The following INPP4B variants were observed in gnomAD, a reference collection of about 807,000 sequenced individuals.
INPP4B encodes the protein inositol polyphosphate 4-phosphatase type II.
INPP4B carries 55 observed loss-of-function variants against 122.5 expected under a neutral mutation model. That is an observed-to-expected ratio of 0.45 (90% CI 0.36 to 0.56). INPP4B has a LOEUF of 0.56. Ranked by LOEUF, INPP4B falls within the 20% of genes least tolerant of loss-of-function variation. The pLI is 0.00. For synonymous variants in INPP4B, 403 were observed against 388.7 expected, an observed-to-expected ratio of 1.04 and a Z score of -0.43; for missense variants, 1,000 against 1,097.7, an observed-to-expected ratio of 0.91 and a Z score of 1.26.
intron 2 of INPP4B, among the ~76,000 whole-genome samples, chr4:142,472,308 G>A (rs1431269389): frequency 3.4e-5 from 5 of 148,800 alleles, no homozygotes; most frequent in Middle Eastern, 3.5e-3. Context: ...CAAAAGTACT[G>A]TAAAGATCAT....
intron 2 of INPP4B, among the ~76,000 whole-genome samples, chr4:142,665,368 C>A (rs866554459): frequency 1.3e-5 from 2 of 151,870 alleles, no homozygotes; most frequent in South Asian, 4.2e-4. Context: ...GTGGCAGGCA[C>A]CTGTAGTCCC....
intron 2 of INPP4B, among the ~76,000 whole-genome samples, chr4:142,621,115 C>T (rs1744831560): frequency 6.6e-6 from 1 of 151,472 alleles, no homozygotes. Flanking sequence ...ACATTTTAGC[C>T]CCTTTGTCTA....
At chr4:142,807,796 TAA>T (rs1779040515) in intron 1 of INPP4B, among the ~76,000 whole-genome samples, 1 of 151,912 alleles carries the variant, frequency 6.6e-6, no homozygotes, top group Non-Finnish European at 1.5e-5. Context: ...GCTGTAAGAA[TAA>T]GAGTGTAAGA....
intron 2 of INPP4B, among the ~76,000 whole-genome samples, chr4:142,502,636 G>A (rs1823531087): frequency 6.6e-6 from 1 of 151,790 alleles, no homozygotes; most frequent in Non-Finnish European, 1.5e-5. Context: ...TTACAGGTGG[G>A]CGCCCGGCTA....
chr4:142,072,074 C>T (rs1578804023), intron 25 of INPP4B, among the ~76,000 whole-genome samples: 1 of 152,272 alleles, frequency 6.6e-6, no homozygotes. Flanking sequence ...ATAGCAAAGA[C>T]TTGGAACCAA....
At chr4:142,194,174 C>G (rs1837205573) in intron 14 of INPP4B, among the ~76,000 whole-genome samples, 1 of 152,058 alleles carries the variant, frequency 6.6e-6, no homozygotes, top group Non-Finnish European at 1.5e-5. Flanking sequence ...AAAAAGTCTT[C>G]AAGTGAAAGA....
chr4:142,393,975 T>C lies in INPP4B; in HGVS notation c.372+8963A>G, dbSNP rs538829538. Among the ~76,000 whole-genome samples, 7 of 152,230 alleles carry C rather than the reference T, an allele frequency of 4.6e-5. No individual in the cohort carries two copies. In the South Asian group the frequency reaches 1.4e-3, roughly 32 times the overall value. On this transcript the variant is annotated intron_variant, in intron 7 of 25. Transcript: ENST00000262992. The stretch of plus-strand genomic sequence containing the variant: ...TAAACTCCTTTAAATTTAATTTGGC[T>C]GAAGTTTTTCCTTTAACAATACCCA...
chr4:142,159,090 A>G (rs936974481), intron 17 of INPP4B, among the ~76,000 whole-genome samples: 1 of 152,028 alleles, frequency 6.6e-6, no homozygotes, highest in African/African-American at 2.4e-5. Context: ...ATAATACTAA[A>G]GTAATATAAT....
At chr4:142,409,916 G>C (rs1458464176) in intron 5 of INPP4B, among the ~76,000 whole-genome samples, 1 of 152,224 alleles carries the variant, frequency 6.6e-6, no homozygotes, top group Non-Finnish European at 1.5e-5. Flanking sequence ...TCACTGGAGA[G>C]TCCAGAGCTA....
intron 2 of INPP4B, among the ~76,000 whole-genome samples, chr4:142,695,280 A>T (rs1236368175): frequency 6.6e-6 from 1 of 152,178 alleles, no homozygotes; most frequent in Non-Finnish European, 1.5e-5. Context: ...AAGGGTCCCT[A>T]ATATGAAGCT....
At chr4:142,824,867 T>C (rs1469395383) in intron 1 of INPP4B, among the ~76,000 whole-genome samples, 3 of 152,142 alleles carry the variant, frequency 2.0e-5, no homozygotes, top group African/African-American at 7.2e-5. Context: ...TGGAAATATA[T>C]AGTTTAAAAT....
chr4:142,845,629 C>T (rs988326705), intron 1 of INPP4B, among the ~76,000 whole-genome samples: 2 of 152,130 alleles, frequency 1.3e-5, no homozygotes, highest in African/African-American at 4.8e-5. Context: ...GAGATGGGCT[C>T]TTTATTTTTA....
intron 7 of INPP4B, among the ~76,000 whole-genome samples, chr4:142,333,670 G>GT (rs879780881): frequency 1.8e-4 from 28 of 151,450 alleles, no homozygotes; most frequent in Middle Eastern, 3.4e-3. Flanking sequence ...TTTTATTTTT[G>GT]TTTTTTTTGT....
chr4:142,046,489 G>A (rs571885855), intron 25 of INPP4B, among the ~76,000 whole-genome samples: 1 of 152,108 alleles, frequency 6.6e-6, no homozygotes, highest in Admixed American at 6.6e-5. Context: ...AGTTGAAGGA[G>A]GCGGGTAATC....
At chr4:142,545,508 C>T (rs759748356) in intron 2 of INPP4B, among the ~76,000 whole-genome samples, 3 of 151,920 alleles carry the variant, frequency 2.0e-5, no homozygotes, top group Non-Finnish European at 2.9e-5. Context: ...GAAAACGAGG[C>T]TAAGTCCATC....
chr4:142,216,070 G>A (rs546744020), intron 12 of INPP4B, among the ~76,000 whole-genome samples: 9 of 152,156 alleles, frequency 5.9e-5, no homozygotes, highest in African/African-American at 2.2e-4. Context: ...ACTCCTATCT[G>A]TAAACATTCT....
rs181022790 is a variant in INPP4B, at chr4:142,254,088, G to C, written c.688+6404C>G. Among the ~76,000 whole-genome samples the C allele has an allele frequency of 4.9e-3, 740 of 152,194 alleles. 9 individuals carry two copies. The highest frequency in any genetic ancestry group is 0.017 in the African/African-American group (706 of 41,526). On this transcript the variant is annotated intron_variant, in intron 11 of 25. Transcript: ENST00000262992. Reference sequence around the variant, plus strand: ...CCTAACTGGGAGGCACCCCCCAGCAGGGGCAGACTGACACCTCACACGGCC... The same window carrying C: ...CCTAACTGGGAGGCACCCCCCAGCACGGGCAGACTGACACCTCACACGGCC...
chr4:142,502,958 G>A (rs916610272), intron 2 of INPP4B, among the ~76,000 whole-genome samples: 6 of 152,060 alleles, frequency 3.9e-5, no homozygotes, highest in African/African-American at 7.2e-5. Flanking sequence ...AGTTTGGTTC[G>A]ATAATAACTG....
intron 25 of INPP4B, among the ~76,000 whole-genome samples, chr4:142,040,747 G>A (rs1265443912): frequency 6.6e-6 from 1 of 152,136 alleles, no homozygotes; most frequent in Non-Finnish European, 1.5e-5. Context: ...GAAAATAACA[G>A]TCAGATAAAA....
Sources: gnomAD v4.1 joint callset for allele counts (sites outside exome capture counted in the v4.1 genomes callset) on GRCh38, gnomAD v4.1.1 for gene constraint, MANE v1.5 for transcripts, NCBI Gene and HGNC (gene_info 2026-07-23, HGNC 2026-07-21) for gene names.